Variants in PDIA5 observed in about 807,000 individuals in gnomAD.
PDIA5 encodes protein disulfide-isomerase A5.
A neutral mutation model predicts 77.6 loss-of-function variants in PDIA5; 58 were observed. That is an observed-to-expected ratio of 0.75 (90% CI 0.61 to 0.93). The LOEUF is 0.93. Ranked by LOEUF, PDIA5 falls within the 40% of genes least tolerant of loss-of-function variation. PDIA5 has a pLI of 0.00. For synonymous variants in PDIA5, 250 were observed against 252.1 expected (o/e 0.99, Z 0.08); for missense variants, 630 against 647.7 (o/e 0.97, Z 0.30).
chr3:123,104,462 C>G (rs1357800944), intron 5 of PDIA5, among the ~76,000 whole-genome samples: 1 of 152,218 alleles, frequency 6.6e-6, no homozygotes. Context: ...ATGGAGGACC[C>G]CCCGACAGGA....
At chr3:123,130,348 T>A in intron 10 of PDIA5, 132 bp from the exon 11 acceptor site, 1 of 952,880 alleles carries the variant, frequency 1.0e-6, no homozygotes, top group Non-Finnish European at 1.5e-6. Context: ...AGTTTCTGGT[T>A]TGTTAAAGGC....
At chr3:123,151,899 G>GCCTT (rs1560562207) in intron 14 of PDIA5, among the ~76,000 whole-genome samples, 1 of 120,648 alleles carries the variant, frequency 8.3e-6, no homozygotes, top group Non-Finnish European at 1.8e-5. Context: ...CTTCCTTCCT[G>GCCTT]CCTGCCTTCC....
chr3:123,093,737 G>A (rs1934357799), intron 3 of PDIA5, among the ~76,000 whole-genome samples: 1 of 152,232 alleles, frequency 6.6e-6, no homozygotes, highest in Non-Finnish European at 1.5e-5. Context: ...GGTGAACAGT[G>A]CCACAAACAC....
intron 2 of PDIA5, among the ~76,000 whole-genome samples, chr3:123,091,981 T>C (rs1025397021): frequency 1.3e-5 from 2 of 152,252 alleles, no homozygotes; most frequent in African/African-American, 4.8e-5. Context: ...TTGTCATTGT[T>C]TATGGAATTG....
In PDIA5 at chr3:123,074,643, G is replaced by A. The variant is rs957902516; in HGVS notation, c.42+7437G>A. On this transcript the variant is annotated intron_variant, in intron 1 of 16. Coordinates refer to ENST00000316218, the MANE Select transcript of PDIA5 (RefSeq NM_006810.4). ...TTCAGGATATCTTGTAATGTGATAAGAAAATATGATTTCTGTTGGTGGCAA... is the reference window on the plus strand; with the variant it reads ...TTCAGGATATCTTGTAATGTGATAAAAAAATATGATTTCTGTTGGTGGCAA... Among the ~76,000 whole-genome samples, 9 of 152,256 alleles carry A rather than the reference G, an allele frequency of 5.9e-5. No individual in the cohort carries two copies. In the East Asian group the frequency reaches 1.7e-3, roughly 29 times the overall value.
In PDIA5 at chr3:123,136,066, G is replaced by A. The variant is rs187283702; in HGVS notation, c.910+5450G>A. Reference sequence around the variant, plus strand: ...CCACTTCAGCCTCCTGAGTAGCTGGGACTACAGGCACGGGCCACCACACCT... The same window carrying A: ...CCACTTCAGCCTCCTGAGTAGCTGGAACTACAGGCACGGGCCACCACACCT... On this transcript the variant is annotated intron_variant, in intron 11 of 16. Coordinates refer to ENST00000316218, the MANE Select transcript of PDIA5 (RefSeq NM_006810.4). Among the ~76,000 whole-genome samples the A allele has an allele frequency of 1.4e-4, 21 of 151,672 alleles. No individual in the cohort carries two copies. The East Asian group carries it at 4.1e-3, about 30-fold the overall frequency.
intron 14 of PDIA5, among the ~76,000 whole-genome samples, chr3:123,152,115 TCCTTCCTTCCTGCCTTCCTTCCTG>T (rs1935928154): frequency 8.0e-6 from 1 of 124,910 alleles, no homozygotes; most frequent in African/African-American, 3.3e-5. Flanking sequence ...CTTCCTTCCT[TCCTTCCTTCCTGCCTTCCTTCCTG>T]CCTGCCTTCC....
chr3:123,102,691 A>G, intron 4 of PDIA5, 60 bp from the exon 5 acceptor site: 3 of 1,374,166 alleles, frequency 2.2e-6, no homozygotes, highest in Non-Finnish European at 3.1e-6. Flanking sequence ...GCAGGAAACC[A>G]AAGGTATGTA....
At chr3:123,140,194 C>T (rs1935593304) in intron 11 of PDIA5, among the ~76,000 whole-genome samples, 1 of 151,830 alleles carries the variant, frequency 6.6e-6, no homozygotes, top group Admixed American at 6.6e-5. Flanking sequence ...TAGAAATGAA[C>T]TTGGTGTGTT....
At chr3:123,076,316 C>T (rs1045234305) in intron 1 of PDIA5, among the ~76,000 whole-genome samples, 8 of 152,130 alleles carry the variant, frequency 5.3e-5, no homozygotes. Context: ...GTTTTCACAT[C>T]TCTAAAGTGG....
chr3:123,118,014 G>C (rs955202449), intron 8 of PDIA5, among the ~76,000 whole-genome samples: 10 of 152,190 alleles, frequency 6.6e-5, no homozygotes, highest in Admixed American at 5.2e-4. Flanking sequence ...TCCTGAAACT[G>C]CATCATGATC....
chr3:123,090,575 G>A (rs1399706522), intron 2 of PDIA5, among the ~76,000 whole-genome samples: 1 of 152,210 alleles, frequency 6.6e-6, no homozygotes, highest in Non-Finnish European at 1.5e-5. Context: ...TCCAGCAGCA[G>A]GTGGGAGCTG....
intron 11 of PDIA5, among the ~76,000 whole-genome samples, chr3:123,142,894 C>T (rs1341790857): frequency 6.6e-6 from 1 of 152,188 alleles, no homozygotes; most frequent in Non-Finnish European, 1.5e-5. Context: ...TCTAACTTGC[C>T]CACATGTGTC....
chr3:123,075,654 CTG>C (rs1015155036), intron 1 of PDIA5, among the ~76,000 whole-genome samples: 1 of 151,954 alleles, frequency 6.6e-6, no homozygotes, highest in Non-Finnish European at 1.5e-5. Flanking sequence ...AAAATTCTGG[CTG>C]TGAGTGGAGA....
At chr3:123,088,611 C>T (rs890088241) in intron 1 of PDIA5, among the ~76,000 whole-genome samples, 1 of 152,196 alleles carries the variant, frequency 6.6e-6, no homozygotes, top group East Asian at 1.9e-4. Context: ...TTATACAAAC[C>T]TCCCTTGGTA....
At chr3:123,102,374 C>T (rs16833915) in intron 3 of PDIA5, 37 bp from the exon 4 acceptor site, 36,991 of 1,511,514 alleles carry the variant, frequency 0.024, 587 homozygotes, top group Non-Finnish European at 0.029. Flanking sequence ...GTGAGGACTT[C>T]AGGTAATAAA....
At chr3:123,142,849 C>T (rs566856683) in intron 11 of PDIA5, among the ~76,000 whole-genome samples, 1 of 152,270 alleles carries the variant, frequency 6.6e-6, no homozygotes, top group East Asian at 1.9e-4. Flanking sequence ...CTGAGGCTGC[C>T]CCTGCCCTCC....
intron 8 of PDIA5, among the ~76,000 whole-genome samples, chr3:123,118,697 A>G (rs1935046883): frequency 6.6e-6 from 1 of 152,226 alleles, no homozygotes; most frequent in Non-Finnish European, 1.5e-5. Flanking sequence ...TCTTGGGCAC[A>G]GGAGTTGTGT....
intron 14 of PDIA5, among the ~76,000 whole-genome samples, chr3:123,152,103 T>TCCTTCCTGCCTTCCTG (rs1935926808): frequency 3.2e-4 from 3 of 9,342 alleles, no homozygotes; most frequent in African/African-American, 8.0e-4. Flanking sequence ...CTTCCTGCCT[T>TCCTTCCTGCCTTCCTG]CCTTCCTTCC....
Sources: allele counts gnomAD v4.1 joint callset (sites outside exome capture counted in the v4.1 genomes callset), GRCh38; gene constraint gnomAD v4.1.1; transcripts MANE v1.5; gene names NCBI Gene and HGNC (gene_info 2026-07-23, HGNC 2026-07-21).